Variants in LRP1B observed in about 807,000 individuals in gnomAD.
The protein encoded by LRP1B is LDL receptor related protein 1B, also known as low-density lipoprotein receptor-related protein 1B.
In LRP1B, 217 loss-of-function variants were observed where a neutral mutation model predicts 556.6. The observed-to-expected ratio is 0.39, with a 90% confidence interval of 0.35 to 0.44. The LOEUF (loss-of-function observed/expected upper bound fraction) is 0.44, where lower values mean the gene tolerates loss of function less well. Ranked by LOEUF, LRP1B falls within the 20% of genes least tolerant of loss-of-function variation. The pLI is 1.00. For synonymous variants in LRP1B, 2,047 were observed against 1,865.8 expected, an observed-to-expected ratio of 1.10 and a Z score of -2.50; for missense variants, 5,053 against 5,620.8, an observed-to-expected ratio of 0.90 and a Z score of 3.23.
intron 84 of LRP1B, among the ~76,000 whole-genome samples, chr2:140,291,943 C>T (rs2104988580): frequency 6.6e-6 from 1 of 152,262 alleles, no homozygotes; most frequent in South Asian, 2.1e-4. Context: ...AAAAGTGTTC[C>T]TATTTCTCCA....
intron 2 of LRP1B, among the ~76,000 whole-genome samples, chr2:141,664,758 T>C (rs545709611): frequency 2.1e-4 from 32 of 152,288 alleles, no homozygotes; most frequent in Admixed American, 3.3e-4. Context: ...CAAATCAATG[T>C]TGTGAAAATG....
chr2:141,294,155 A>G (rs1284251448), intron 3 of LRP1B, among the ~76,000 whole-genome samples: 1 of 152,126 alleles, frequency 6.6e-6, no homozygotes. Flanking sequence ...GGTGACAAAA[A>G]TATCTTTTTA....
rs191918751 is a variant in LRP1B, at chr2:141,706,576, T to C, written c.205+103703A>G. ...AGACTGAAGAAAATCAATTAAATCA[T>C]GTTTTCCTCCATTTCTTACTGAAAA... is the stretch of plus-strand genomic sequence containing the variant. On this transcript the variant is annotated intron_variant, in intron 2 of 90. Transcript: ENST00000389484. Among the ~76,000 whole-genome samples the C allele has an allele frequency of 9.2e-5, 14 of 152,212 alleles. No homozygotes were observed. The East Asian group carries it at 1.4e-3, about 15-fold the overall frequency.
intron 3 of LRP1B, among the ~76,000 whole-genome samples, chr2:141,341,971 G>A (rs1423207066): frequency 1.3e-5 from 2 of 152,020 alleles, no homozygotes; most frequent in African/African-American, 2.4e-5. Context: ...GCGGCCGGGC[G>A]CAGTAGCTCA....
intron 7 of LRP1B, chr2:141,167,420 AGATT>A (rs1437052054): frequency 6.6e-6 from 1 of 151,918 alleles, no homozygotes; most frequent in African/African-American, 2.4e-5. Flanking sequence ...GTGTCTATAT[AGATT>A]AACCCAAAGA....
chr2:140,829,265 C>T (rs955389785), intron 31 of LRP1B, among the ~76,000 whole-genome samples: 7 of 152,160 alleles, frequency 4.6e-5, no homozygotes, highest in Non-Finnish European at 1.0e-4. Context: ...TGTTAAACTA[C>T]ACTCTAGACC....
intron 11 of LRP1B, among the ~76,000 whole-genome samples, chr2:141,027,177 G>A (rs998420734): frequency 1.8e-4 from 28 of 152,038 alleles, no homozygotes; most frequent in Non-Finnish European, 2.9e-5. Flanking sequence ...GATGCTTTTG[G>A]TACAAACTTT....
chr2:140,266,845 C>A (rs1308278623), intron 86 of LRP1B, among the ~76,000 whole-genome samples: 2 of 151,960 alleles, frequency 1.3e-5, no homozygotes, highest in African/African-American at 4.8e-5. Flanking sequence ...TAATAATTAG[C>A]AAATGATATT....
intron 41 of LRP1B, among the ~76,000 whole-genome samples, chr2:140,675,738 C>T (rs1303312627): frequency 6.6e-6 from 1 of 152,122 alleles, no homozygotes; most frequent in African/African-American, 2.4e-5. Context: ...GATTGCACCT[C>T]TGCACTCCAG....
At chr2:140,361,341 C>CATATATATATAT (rs67208978) in intron 72 of LRP1B, among the ~76,000 whole-genome samples, 814 of 30,602 alleles carry the variant, frequency 0.027, 54 homozygotes, top group East Asian at 0.036. Flanking sequence ...ACTTGGAAAG[C>CATATATATATAT]ATATATATAT....
At chr2:141,038,711 G>A (rs537062498) in intron 11 of LRP1B, among the ~76,000 whole-genome samples, 5 of 152,100 alleles carry the variant, frequency 3.3e-5, no homozygotes, top group Admixed American at 6.6e-5. Context: ...TGAGAAATTC[G>A]TATTAACTAA....
intron 43 of LRP1B, among the ~76,000 whole-genome samples, chr2:140,592,806 G>A (rs985766959): frequency 1.3e-5 from 2 of 152,050 alleles, no homozygotes. Flanking sequence ...CAAGTATGGT[G>A]GTTCAGGCTT....
At chr2:142,086,570 C>A (rs1705933383) in intron 1 of LRP1B, among the ~76,000 whole-genome samples, 1 of 151,790 alleles carries the variant, frequency 6.6e-6, no homozygotes, top group Non-Finnish European at 1.5e-5. Flanking sequence ...CTAAGTCGCA[C>A]CACTGCTCTC....
At chr2:141,009,379 A>T (rs893511263) in intron 14 of LRP1B, among the ~76,000 whole-genome samples, 10 of 151,924 alleles carry the variant, frequency 6.6e-5, no homozygotes, top group African/African-American at 1.9e-4. Context: ...ATCTGAAGAA[A>T]GGATAAAATG....
At chr2:142,124,275 T>C (rs574549131) in intron 1 of LRP1B, among the ~76,000 whole-genome samples, 2 of 152,014 alleles carry the variant, frequency 1.3e-5, no homozygotes, top group East Asian at 3.9e-4. Context: ...TAAGGATACT[T>C]ACAAATTTGA....
chr2:140,694,529 A>G (rs1046126944), intron 41 of LRP1B, among the ~76,000 whole-genome samples: 3 of 152,098 alleles, frequency 2.0e-5, no homozygotes, highest in Non-Finnish European at 2.9e-5. Flanking sequence ...TTTTACTTCA[A>G]TTGCTGACTT....
intron 1 of LRP1B, among the ~76,000 whole-genome samples, chr2:142,121,899 GA>G (rs34528579): frequency 0.62 from 93,292 of 151,558 alleles, 29,213 homozygotes; most frequent in East Asian, 0.72. Flanking sequence ...GATTCAGCAA[GA>G]AAAAAAAAAT....
chr2:140,514,542 C>T (rs1689803704), intron 51 of LRP1B, 111 bp downstream of exon 51: 1 of 969,756 alleles, frequency 1.0e-6, no homozygotes, highest in Middle Eastern at 2.3e-4. Flanking sequence ...GAAAGGTACA[C>T]ATAAATTTTA....
intron 3 of LRP1B, among the ~76,000 whole-genome samples, chr2:141,378,015 G>A (rs1257415666): frequency 6.6e-6 from 1 of 152,066 alleles, no homozygotes; most frequent in African/African-American, 2.4e-5. Flanking sequence ...AGCTAATAAT[G>A]AACAACATGT....
Sources: allele counts gnomAD v4.1 joint callset (sites outside exome capture counted in the v4.1 genomes callset), GRCh38; gene constraint gnomAD v4.1.1; transcripts MANE v1.5; gene names NCBI Gene and HGNC (gene_info 2026-07-23, HGNC 2026-07-21).